The following MYO5B variants were observed in gnomAD, a reference collection of about 807,000 sequenced individuals.
The protein encoded by MYO5B is myosin VB, also known as unconventional myosin-Vb.
In MYO5B, 143 loss-of-function variants were observed where a neutral mutation model predicts 229.3. That is an observed-to-expected ratio of 0.62 (90% CI 0.54 to 0.72). The LOEUF (loss-of-function observed/expected upper bound fraction) is 0.72. Among genes scored for constraint, MYO5B ranks in the 30% least tolerant of loss-of-function variants. The probability of loss-of-function intolerance (pLI) is 0.00; values close to 1 mark genes in which losing one functional copy is unlikely to be tolerated. For missense variants in MYO5B, 2,321 were observed against 2,331.0 expected (o/e 1.00, Z 0.09); for synonymous variants, 918 against 885.2 (o/e 1.04, Z -0.66).
At chr18:49,972,240 G>C (rs914740734) in intron 10 of MYO5B, among the ~76,000 whole-genome samples, 3 of 152,198 alleles carry the variant, frequency 2.0e-5, no homozygotes, top group Admixed American at 2.0e-4. Context: ...CAGGATGTTA[G>C]AGAAAACAAA....
chr18:50,046,398 G>C (rs2030227328), intron 2 of MYO5B, among the ~76,000 whole-genome samples: 1 of 152,208 alleles, frequency 6.6e-6, no homozygotes, highest in Admixed American at 6.5e-5. Flanking sequence ...AGTTCTGTAA[G>C]GCCTTGAGCC....
chr18:50,069,563 G>A (rs1047573801), intron 1 of MYO5B, among the ~76,000 whole-genome samples: 6 of 152,072 alleles, frequency 3.9e-5, no homozygotes, highest in Admixed American at 2.6e-4. Flanking sequence ...GCTTGTCCCC[G>A]TTGCCCTCAC....
At position 50,113,114 on chromosome 18, in the gene MYO5B, A is replaced by G. The variant is rs114636110; in HGVS notation, c.28-57736T>C. Among the ~76,000 whole-genome samples the G allele has an allele frequency of 5.5e-3, 838 of 152,126 alleles. 7 individuals are homozygous for G. Among genetic ancestry groups the G allele is most frequent in the African/African-American group, 0.018 (759 of 41,494 alleles). ...CCTCAATTCCCTGCCCGTCCCCACC[A>G]CCTACACTGCTGAGTGTGAGGAGGC... On this transcript the variant is annotated intron_variant, in intron 1 of 39. Transcript: ENST00000285039.
chr18:49,985,216 T>C (rs999115229), intron 7 of MYO5B, among the ~76,000 whole-genome samples: 11 of 152,174 alleles, frequency 7.2e-5, no homozygotes, highest in African/African-American at 2.7e-4. Context: ...ATAATCTCAG[T>C]CCGACAAGCT....
intron 2 of MYO5B, among the ~76,000 whole-genome samples, chr18:50,052,679 C>T (rs2030429381): frequency 7.4e-6 from 1 of 134,438 alleles, no homozygotes; most frequent in Admixed American, 7.9e-5. Context: ...ACATTGTGCA[C>T]ATGTACCCTA....
At chr18:49,991,524 C>CAA (rs1450457670) in intron 6 of MYO5B, among the ~76,000 whole-genome samples, 1 of 152,022 alleles carries the variant, frequency 6.6e-6, no homozygotes, top group Non-Finnish European at 1.5e-5. Flanking sequence ...AGAAGGATTA[C>CAA]AAAGAGGCAA....
chr18:50,194,621 A>G, intron 1 of MYO5B, 146 bp downstream of exon 1: 1 of 535,584 alleles, frequency 1.9e-6, no homozygotes, highest in Non-Finnish European at 3.3e-6. Flanking sequence ...AGGGACTCCG[A>G]GGACAGTGAC....
At chr18:49,836,622 TA>T in intron 38 of MYO5B, 88 bp downstream of exon 38, 1 of 1,495,614 alleles carries the variant, frequency 6.7e-7, no homozygotes. Context: ...AGTGCAACAC[TA>T]ACAAATAACC....
At chr18:49,859,796 C>T (rs1016097873) in intron 29 of MYO5B, among the ~76,000 whole-genome samples, 1 of 152,218 alleles carries the variant, frequency 6.6e-6, no homozygotes, top group Admixed American at 6.5e-5. Context: ...AAGCTGGGCC[C>T]TCTGGGGAGG....
At chr18:50,108,157 C>T (rs989682232) in intron 1 of MYO5B, among the ~76,000 whole-genome samples, 5 of 152,200 alleles carry the variant, frequency 3.3e-5, no homozygotes, top group Middle Eastern at 3.2e-3. Context: ...ATCTGCCTAC[C>T]CTGGCCTCCC....
At chr18:49,982,321 G>T (rs1409513146) in intron 8 of MYO5B, among the ~76,000 whole-genome samples, 8 of 152,146 alleles carry the variant, frequency 5.3e-5, no homozygotes, top group Non-Finnish European at 1.2e-4. Flanking sequence ...GCCTCCCAAG[G>T]TGTTGGGATT....
In MYO5B at chr18:50,170,884, GAAGA is replaced by G. The variant is rs752518923; in HGVS notation, c.27+23879_27+23882del. 3.1e-5 allele frequency among the ~76,000 whole-genome samples: 4 copies of G among 128,264 alleles called. 1 individual carries two copies. The East Asian group carries it at 6.8e-4, about 22-fold the overall frequency. The allele number at this position is 128,264 out of a possible 152,430, so 84.1% of individuals were successfully genotyped here. A position where few individuals can be genotyped will look rare whatever the true frequency, so the allele number is the denominator to read the frequency against. ...AAAAGAGACATTTTACCCAAACTTA[GAAGA>G]AAGAACGTACAGGAAATTCAGCACT... is the stretch of plus-strand genomic sequence containing the variant. On this transcript the variant is annotated intron_variant, in intron 1 of 39. Coordinates refer to ENST00000285039, the MANE Select transcript of MYO5B (RefSeq NM_001080467.3).
chr18:49,965,419 TCA>T (rs1033209391), intron 10 of MYO5B, among the ~76,000 whole-genome samples: 3 of 150,310 alleles, frequency 2.0e-5, no homozygotes, highest in African/African-American at 7.4e-5. Context: ...CTCTTCTCAT[TCA>T]CACACACTTC....
chr18:50,068,036 CACACATAT>C (rs200523038), intron 1 of MYO5B, among the ~76,000 whole-genome samples: 1,858 of 74,324 alleles, frequency 0.025, 31 homozygotes, highest in African/African-American at 0.058. Context: ...TATATATATA[CACACATAT>C]ACACACACAC....
chr18:50,076,223 G>A (rs16951451), intron 1 of MYO5B, among the ~76,000 whole-genome samples: 17,749 of 152,204 alleles, frequency 0.12, 2,110 homozygotes, highest in African/African-American at 0.31. Context: ...AAGGGAAAAC[G>A]CTCAGGAGGC....
At chr18:49,920,355 C>A (rs2025061045) in intron 17 of MYO5B, among the ~76,000 whole-genome samples, 1 of 152,020 alleles carries the variant, frequency 6.6e-6, no homozygotes. Flanking sequence ...TTGTGGGTGG[C>A]CTTTATAAAG....
chr18:49,870,170 C>T (rs2024441352), intron 27 of MYO5B, among the ~76,000 whole-genome samples: 1 of 152,174 alleles, frequency 6.6e-6, no homozygotes, highest in African/African-American at 2.4e-5. Flanking sequence ...CTATGACACA[C>T]CCTCCTATGC....
chr18:49,990,653 T>C, intron 6 of MYO5B, 133 bp from the exon 7 acceptor site: 1 of 724,298 alleles, frequency 1.4e-6, no homozygotes, highest in Non-Finnish European at 2.5e-6. Context: ...CCTCCACACC[T>C]CTGCCACCTT....
At chr18:49,968,832 A>G (rs1201863209) in intron 10 of MYO5B, among the ~76,000 whole-genome samples, 4 of 152,216 alleles carry the variant, frequency 2.6e-5, no homozygotes, top group Non-Finnish European at 5.9e-5. Context: ...AACAGTTGCT[A>G]TAGAGGCCTG....
Sources: allele counts gnomAD v4.1 joint callset (sites outside exome capture counted in the v4.1 genomes callset), GRCh38; gene constraint gnomAD v4.1.1; transcripts MANE v1.5; gene names NCBI Gene and HGNC (gene_info 2026-07-23, HGNC 2026-07-21).